Variants in FER1L6 observed in about 807,000 individuals in gnomAD.
FER1L6 encodes the protein fer-1 like family member 6.
A neutral mutation model predicts 219.2 loss-of-function variants in FER1L6; 177 were observed. The ratio of observed to expected loss-of-function variants is 0.81; its 90% confidence interval spans 0.71 to 0.91. The LOEUF (loss-of-function observed/expected upper bound fraction) is 0.91, where lower values mean the gene tolerates loss of function less well. Among genes scored for constraint, FER1L6 ranks in the 40% least tolerant of loss-of-function variants. FER1L6 has a pLI of 0.00. For missense variants in FER1L6, 2,153 were observed against 2,259.9 expected (o/e 0.95, Z 0.96); for synonymous variants, 768 against 824.3 (o/e 0.93, Z 1.17).
chr8:123,865,096 CCCCA>C (rs1298960777), intron 1 of FER1L6, among the ~76,000 whole-genome samples: 1 of 150,194 alleles, frequency 6.7e-6, no homozygotes, highest in African/African-American at 2.5e-5. Flanking sequence ...TCTGTTTTTT[CCCCA>C]TCTTTGTGGT....
intron 22 of FER1L6, among the ~76,000 whole-genome samples, chr8:124,051,992 A>G (rs954086032): frequency 2.0e-5 from 3 of 152,210 alleles, no homozygotes; most frequent in African/African-American, 7.2e-5. Context: ...CAGGAATTCA[A>G]GCATTGGCTC....
chr8:124,070,436 C>T (rs1268342015), intron 29 of FER1L6, 31 bp from the exon 30 acceptor site: 2 of 1,610,296 alleles, frequency 1.2e-6, no homozygotes, highest in Non-Finnish European at 1.7e-6. Flanking sequence ...TTTCCTTCCT[C>T]TTAGCACAAT....
intron 6 of FER1L6, among the ~76,000 whole-genome samples, chr8:123,971,134 T>C (rs1314190870): frequency 1.3e-5 from 2 of 152,254 alleles, no homozygotes; most frequent in Middle Eastern, 3.2e-3. Context: ...TCCCTGTCTT[T>C]ATCACTGACT....
Position 124,076,282 on chromosome 8 carries a change from C to G in FER1L6, c.4177C>G (p.Arg1393Gly), listed in dbSNP as rs376465322. 1.9e-6 allele frequency: 3 copies of G among 1,613,792 alleles called. No individual in the cohort carries two copies. The highest frequency in any genetic ancestry group is 3.3e-5 in the Admixed American group (2 of 60,018). Residue 1393 changes from arginine to glycine, a missense_variant, in exon 32 of 41, where the codon CGG (arginine) becomes GGG (glycine). Transcript: ENST00000522917. ...IKLGKTEIKD[R>G]DKYIPKQLNP... is the part of the protein sequence containing the mutation. ...GCTTGGCAAGACAGAAATCAAAGACCGGGATAAATACATCCCTAAACAACT... is the reference window on the plus strand; with the variant it reads ...GCTTGGCAAGACAGAAATCAAAGACGGGGATAAATACATCCCTAAACAACT...
chr8:123,881,997 T>G (rs1242845192), intron 1 of FER1L6, among the ~76,000 whole-genome samples: 1 of 152,246 alleles, frequency 6.6e-6, no homozygotes, highest in Non-Finnish European at 1.5e-5. Flanking sequence ...ATCATCACTT[T>G]TGAACTACTG....
chr8:123,953,270 C>T (rs1814853011), intron 1 of FER1L6, among the ~76,000 whole-genome samples: 1 of 152,172 alleles, frequency 6.6e-6, no homozygotes, highest in Non-Finnish European at 1.5e-5. Flanking sequence ...CATCAGCCCA[C>T]CCAAGAGGGC....
chr8:123,888,485 A>C (rs888297376), intron 1 of FER1L6, among the ~76,000 whole-genome samples: 3 of 152,164 alleles, frequency 2.0e-5, no homozygotes, highest in African/African-American at 7.2e-5. Flanking sequence ...TTGAGTGGGA[A>C]AGTGGGATGG....
chr8:124,114,899 A>C (rs1409662369), intron 39 of FER1L6, among the ~76,000 whole-genome samples: 1 of 30,684 alleles, frequency 3.3e-5, no homozygotes, highest in Non-Finnish European at 7.1e-5. Context: ...GTGTGCGTAT[A>C]TATATATATA....
In FER1L6 at chr8:123,864,754, T is replaced by C. The variant is rs77482374; in HGVS notation, c.-8+12569T>C. On this transcript the variant is annotated intron_variant, in intron 1 of 40. Transcript: ENST00000522917. The stretch of plus-strand genomic sequence containing the variant: ...TTTCATCTTCCATTGCTGATACCCT[T>C]TCTTCCAGTTGATCGCATCGGCTCC... 7.9e-4 allele frequency among the ~76,000 whole-genome samples: 118 copies of C among 150,156 alleles called. 7 individuals are homozygous for C. Among genetic ancestry groups the C allele is most frequent in the African/African-American group, 2.8e-3 (112 of 39,638 alleles).
intron 25 of FER1L6, among the ~76,000 whole-genome samples, chr8:124,063,983 G>A (rs1820709991): frequency 1.3e-5 from 2 of 152,192 alleles, no homozygotes; most frequent in South Asian, 4.2e-4. Flanking sequence ...GAGCTCCAAA[G>A]CCTCCCCAGA....
chr8:123,933,839 A>T (rs1343180721), intron 1 of FER1L6, among the ~76,000 whole-genome samples: 1 of 152,094 alleles, frequency 6.6e-6, no homozygotes, highest in East Asian at 1.9e-4. Flanking sequence ...GTTTTATTTT[A>T]AAAATTTTCT....
chr8:123,972,275 G>A (rs951793676), intron 6 of FER1L6, among the ~76,000 whole-genome samples: 7 of 152,306 alleles, frequency 4.6e-5, no homozygotes, highest in East Asian at 1.9e-4. Context: ...CTTTTGCTTC[G>A]CAAAAAGGAG....
chr8:123,939,027 T>C (rs1015184704), intron 1 of FER1L6: 14 of 380,080 alleles, frequency 3.7e-5, no homozygotes, highest in Non-Finnish European at 4.7e-5. Context: ...GCAATTGCAT[T>C]GCACATTCAT....
chr8:124,014,269 G>C (rs1370133069), intron 15 of FER1L6: 2 of 152,680 alleles, frequency 1.3e-5, no homozygotes, highest in African/African-American at 4.8e-5. Context: ...GGACCAGGGA[G>C]AAGGGAGGCC....
chr8:123,936,518 A>G (rs1814016626), intron 1 of FER1L6, among the ~76,000 whole-genome samples: 1 of 133,514 alleles, frequency 7.5e-6, no homozygotes, highest in Non-Finnish European at 1.5e-5. Flanking sequence ...AAGGCAAATT[A>G]AGGGTACTGT....
At chr8:123,891,717 G>GA (rs1279071689) in intron 1 of FER1L6, among the ~76,000 whole-genome samples, 6 of 152,142 alleles carry the variant, frequency 3.9e-5, no homozygotes, top group Non-Finnish European at 8.8e-5. Flanking sequence ...TCCCAGGTAT[G>GA]AAAAAGGCAC....
intron 1 of FER1L6, among the ~76,000 whole-genome samples, chr8:123,943,042 G>T (rs914874485): frequency 6.6e-6 from 1 of 152,274 alleles, no homozygotes; most frequent in Middle Eastern, 3.4e-3. Flanking sequence ...ATCCCAGCAC[G>T]TACCAATCTC....
At chr8:124,078,023 T>C (rs1169548563) in intron 32 of FER1L6, among the ~76,000 whole-genome samples, 1 of 152,076 alleles carries the variant, frequency 6.6e-6, no homozygotes, top group Non-Finnish European at 1.5e-5. Context: ...CTGACATGGA[T>C]TAGATGTTTA....
At chr8:123,927,172 A>T (rs1386775920) in intron 1 of FER1L6, among the ~76,000 whole-genome samples, 11 of 152,092 alleles carry the variant, frequency 7.2e-5, no homozygotes. Flanking sequence ...GAAAAAAAAA[A>T]AAAAAAAGAT....
Sources: allele counts gnomAD v4.1 joint callset (sites outside exome capture counted in the v4.1 genomes callset), GRCh38; gene constraint gnomAD v4.1.1; transcripts MANE v1.5; gene names NCBI Gene and HGNC (gene_info 2026-07-23, HGNC 2026-07-21).